The following IL1RAPL1 variants were observed in gnomAD, a reference collection of about 807,000 sequenced individuals.
IL1RAPL1 encodes the protein interleukin 1 receptor accessory protein like 1, also known as interleukin-1 receptor accessory protein-like 1.
In IL1RAPL1, 3 loss-of-function variants were observed where a neutral mutation model predicts 48.4. That is an observed-to-expected ratio of 0.06 (90% confidence interval 0.03 to 0.16). The LOEUF (loss-of-function observed/expected upper bound fraction) is 0.16, where lower values mean the gene tolerates loss of function less well. Among genes scored for constraint, IL1RAPL1 ranks in the 10% least tolerant of loss-of-function variants. The pLI is 1.00. For missense variants in IL1RAPL1, 349 were observed against 530.6 expected (o/e 0.66, Z 3.36); for synonymous variants, 185 against 187.7 (o/e 0.99, Z 0.12).
chrX:29,361,561 A>G (rs112681807), intron 3 of IL1RAPL1, among the ~76,000 whole-genome samples: 1 of 108,005 alleles, frequency 9.3e-6, no homozygotes, highest in Admixed American at 9.8e-5. Context: ...ACACACACAC[A>G]CACACACACA....
intron 1 of IL1RAPL1, among the ~76,000 whole-genome samples, chrX:28,632,110 A>G (rs1297510881): frequency 8.9e-6 from 1 of 112,445 alleles, no homozygotes; most frequent in Non-Finnish European, 1.9e-5. Flanking sequence ...AAAATACCAC[A>G]GAATGGGTAG....
chrX:29,451,364 T>A (rs1483264913), intron 5 of IL1RAPL1, among the ~76,000 whole-genome samples: 1 of 108,895 alleles, frequency 9.2e-6, no homozygotes, highest in Non-Finnish European at 1.9e-5. Context: ...CTGGCTAATT[T>A]TTTTATTTTT....
At chrX:28,985,623 A>G (rs1043622128) in intron 2 of IL1RAPL1, among the ~76,000 whole-genome samples, 1 of 110,501 alleles carries the variant, frequency 9.0e-6, no homozygotes, top group African/African-American at 3.3e-5. Flanking sequence ...ACAATTCAGT[A>G]TGAATAACAT....
intron 5 of IL1RAPL1, among the ~76,000 whole-genome samples, chrX:29,466,763 G>T (rs1934867302): frequency 8.9e-6 from 1 of 111,981 alleles, no homozygotes; most frequent in South Asian, 3.7e-4. Flanking sequence ...GCAAATGCTT[G>T]CATTTCTGAA....
chrX:28,930,386 A>C (rs1307312413), intron 2 of IL1RAPL1, among the ~76,000 whole-genome samples: 1 of 110,165 alleles, frequency 9.1e-6, no homozygotes, highest in Non-Finnish European at 1.9e-5. Flanking sequence ...TCTAAAATAC[A>C]TCTTGTCTTA....
chrX:28,850,930 G>A (rs960226103), intron 2 of IL1RAPL1, among the ~76,000 whole-genome samples: 5 of 102,093 alleles, frequency 4.9e-5, no homozygotes, highest in African/African-American at 1.5e-4. Flanking sequence ...TTTGAACTCC[G>A]CCAACCAGTA....
intron 2 of IL1RAPL1, among the ~76,000 whole-genome samples, chrX:29,245,545 CAT>C (rs771851833): frequency 7.1e-5 from 8 of 111,938 alleles, no homozygotes; most frequent in Non-Finnish European, 9.4e-5. Context: ...AGCTTTTTTT[CAT>C]ATGTTTGTTG....
chrX:29,160,461 A>G (rs1225851250), intron 2 of IL1RAPL1, among the ~76,000 whole-genome samples: 4 of 112,042 alleles, frequency 3.6e-5, no homozygotes, highest in Non-Finnish European at 7.5e-5. Flanking sequence ...TAATTTTACT[A>G]AAACGATAGT....
At chrX:29,891,390 A>G in intron 6 of IL1RAPL1, among the ~76,000 whole-genome samples, 1 of 111,644 alleles carries the variant, frequency 9.0e-6, no homozygotes, top group East Asian at 2.8e-4. Context: ...GGCCATCAGC[A>G]GGGACTAATG....
rs752579530 is a variant in IL1RAPL1 at position 28,841,222 on chromosome X, A to G, written c.82+51797A>G. ...ACCAGTAGACAAATTTACACTTATT[A>G]TGTTCACCACAAAGTCTTTTATGAC... On this transcript the variant is annotated intron_variant, in intron 2 of 10. Transcript: ENST00000378993. Among the ~76,000 whole-genome samples the G allele has an allele frequency of 7.2e-5, 8 of 110,881 alleles. No individual in the cohort carries two copies. The East Asian group carries it at 2.0e-3, about 28-fold the overall frequency.
intron 2 of IL1RAPL1, among the ~76,000 whole-genome samples, chrX:29,130,274 A>G (rs1928993203): frequency 8.9e-6 from 1 of 112,228 alleles, no homozygotes; most frequent in African/African-American, 3.2e-5. Context: ...ACTGTTTTGT[A>G]TTGGCATTTA....
chrX:28,845,779 AT>A (rs1194956185), intron 2 of IL1RAPL1, among the ~76,000 whole-genome samples: 3 of 112,198 alleles, frequency 2.7e-5, no homozygotes, highest in Non-Finnish European at 5.6e-5. Context: ...CTTAAAGATT[AT>A]TTTTAGAGCA....
At chrX:29,822,523 A>G (rs191061289) in intron 6 of IL1RAPL1, among the ~76,000 whole-genome samples, 122 of 110,347 alleles carry the variant, frequency 1.1e-3, no homozygotes, top group African/African-American at 3.8e-3. Context: ...GTAGTCTAGT[A>G]AAGTCTTCTG....
intron 1 of IL1RAPL1, among the ~76,000 whole-genome samples, chrX:28,733,761 C>T (rs1267385581): frequency 9.0e-6 from 1 of 111,542 alleles, no homozygotes; most frequent in South Asian, 3.7e-4. Context: ...TTTTAAATAT[C>T]ATTTGATTGT....
At chrX:29,900,427 A>G (rs1472231163) in intron 6 of IL1RAPL1, among the ~76,000 whole-genome samples, 1 of 112,382 alleles carries the variant, frequency 8.9e-6, no homozygotes, top group East Asian at 2.8e-4. Context: ...ATTAAAGTGT[A>G]CAGCGAATCA....
At chrX:28,899,579 C>T (rs750614529) in intron 2 of IL1RAPL1, among the ~76,000 whole-genome samples, 10 of 112,280 alleles carry the variant, frequency 8.9e-5, no homozygotes, top group Non-Finnish European at 1.5e-4. Context: ...TGCTGCTTCC[C>T]GTATGTGGGA....
At chrX:29,197,947 G>T (rs112307202) in intron 2 of IL1RAPL1, among the ~76,000 whole-genome samples, 8,150 of 110,532 alleles carry the variant, frequency 0.074, 245 homozygotes, top group South Asian at 0.19. Context: ...GACCTCAGGT[G>T]ATCCACCGGT....
chrX:28,858,215 G>A (rs1921852140), intron 2 of IL1RAPL1, among the ~76,000 whole-genome samples: 1 of 112,224 alleles, frequency 8.9e-6, no homozygotes, highest in Admixed American at 9.5e-5. Flanking sequence ...GGTTTCTTAA[G>A]ATGAAATCTA....
chrX:28,716,988 A>G (rs137856469), intron 1 of IL1RAPL1, among the ~76,000 whole-genome samples: 1,489 of 111,213 alleles, frequency 0.013, 25 homozygotes, highest in African/African-American at 0.045. Context: ...AATGGCTACT[A>G]TGAAAAAATA....
Sources: allele counts gnomAD v4.1 joint callset (sites outside exome capture counted in the v4.1 genomes callset), GRCh38; gene constraint gnomAD v4.1.1; transcripts MANE v1.5; gene names NCBI Gene and HGNC (gene_info 2026-07-23, HGNC 2026-07-21).